The following MAGOHB variants were observed in gnomAD, a reference collection of about 807,000 sequenced individuals.
MAGOHB encodes protein mago nashi homolog 2.
MAGOHB carries 15 observed loss-of-function variants against 20.9 expected under a neutral mutation model. The ratio of observed to expected loss-of-function variants is 0.72; its 90% CI spans 0.48 to 1.11. The LOEUF is 1.11. Ranked by LOEUF, MAGOHB falls within the 50% of genes least tolerant of loss-of-function variation. The probability of loss-of-function intolerance (pLI) is 0.00; values close to 1 mark genes in which losing one functional copy is unlikely to be tolerated. For missense variants in MAGOHB, 162 were observed against 177.6 expected (o/e 0.91, Z 0.50); for synonymous variants, 50 against 57.9 (o/e 0.86, Z 0.62).
downstream of MAGOHB, among the ~76,000 whole-genome samples, chr12:10,600,593 T>C (rs1422496444): frequency 6.6e-6 from 1 of 152,204 alleles, no homozygotes; most frequent in Non-Finnish European, 1.5e-5. Flanking sequence ...CTACTTGAGT[T>C]TTCCCACGAA....
chr12:10,612,190 A>AATAACATAACATAACATAAC (rs3059682), intron 1 of MAGOHB, among the ~76,000 whole-genome samples: 103 of 141,452 alleles, frequency 7.3e-4, no homozygotes, highest in South Asian at 1.2e-3. Flanking sequence ...CTCTACAAAA[A>AATAACATAACATAACATAAC]ATAACATAAC....
intron 1 of MAGOHB, chr12:10,612,721 T>C: frequency 8.6e-7 from 1 of 1,162,276 alleles, no homozygotes; most frequent in Non-Finnish European, 1.1e-6. Context: ...AAATGAACTT[T>C]CTTGTTGCAG....
At chr12:10,612,247 T>TAACATAACATAACATA (rs1555146632) in intron 1 of MAGOHB, among the ~76,000 whole-genome samples, 80 of 139,060 alleles carry the variant, frequency 5.8e-4, no homozygotes, top group African/African-American at 2.0e-3. Flanking sequence ...TAACATAACA[T>TAACATAACATAACATA]AATTAGCTGG....
At chr12:10,612,900 C>A (rs1865774061) in intron 1 of MAGOHB, 1 of 1,289,024 alleles carries the variant, frequency 7.8e-7, no homozygotes, top group South Asian at 1.2e-5. Context: ...CTCAAGAGTG[C>A]CGTCCTCTAA....
chr12:10,600,699 A>G (rs1023210353), downstream of MAGOHB, among the ~76,000 whole-genome samples: 2 of 152,162 alleles, frequency 1.3e-5, no homozygotes, highest in South Asian at 2.1e-4. Flanking sequence ...TTGTCACTCC[A>G]CCATGAGGCA....
chr12:10,613,603 G>A lies in MAGOHB; in HGVS notation c.-71C>T, dbSNP rs986486550. ...CGGCGCCTTGCAGTGACGTCATCGC[G>A]CGGAATAAGTGCGTCACCACAGGCG... On this transcript the variant is annotated 5_prime_UTR_variant, in exon 1 of 5. Transcript: ENST00000320756. 49 of 1,002,660 alleles carry A rather than the reference G, an allele frequency of 4.9e-5. No individual in the cohort carries two copies. The highest frequency in any genetic ancestry group is 7.7e-5 in the Non-Finnish European group (48 of 622,276). The allele number at this position is 1,002,660 out of a possible 1,614,324, so 62.1% of individuals were successfully genotyped here. A position where few individuals can be genotyped will look rare whatever the true frequency, so the allele number is the denominator to read the frequency against.
downstream of MAGOHB, among the ~76,000 whole-genome samples, chr12:10,600,337 T>TA (rs1865542505): frequency 6.6e-6 from 1 of 152,066 alleles, no homozygotes; most frequent in South Asian, 2.1e-4. Context: ...GGCAATCCCC[T>TA]ACTATTGGAT....
At position 10,612,843 on chromosome 12, in the gene MAGOHB, G is replaced by A; in HGVS notation, c.94+596C>T. On this transcript the variant is annotated intron_variant, in intron 1 of 4. Transcript: ENST00000320756. The stretch of plus-strand genomic sequence containing the variant: ...ATCCTCTGCTCATACTGCTCTGGAA[G>A]TCTGTTTTTTTCTCTCAAAGGCCAA... The A allele has an allele frequency of 3.1e-6, 4 of 1,289,148 alleles. No individual in the cohort carries two copies. In the African/African-American group the frequency reaches 4.5e-5, roughly 15 times the overall value. 79.9% of individuals were successfully genotyped at this position (1,289,148 alleles called of 1,614,324 possible).
At chr12:10,608,599 T>TTAA (rs758326664) in intron 3 of MAGOHB, 3 of 119,162 alleles carry the variant, frequency 2.5e-5, no homozygotes, top group Admixed American at 1.7e-4. Context: ...TAAGAACTAG[T>TTAA]AAAAAAAAAA....
At chr12:10,610,768 T>G in intron 1 of MAGOHB, 88 bp from the exon 2 acceptor site, 1 of 1,155,428 alleles carries the variant, frequency 8.7e-7, no homozygotes, top group Non-Finnish European at 1.2e-6. Flanking sequence ...TAAAGACCAT[T>G]TTATACTACT....
intron 3 of MAGOHB, 79 bp downstream of exon 3, chr12:10,609,752 T>C: frequency 3.3e-6 from 3 of 899,834 alleles, no homozygotes; most frequent in Non-Finnish European, 5.2e-6. Context: ...CTTAGACTCA[T>C]TCCAAATAAA....
In MAGOHB at chr12:10,609,868, T is replaced by A. The variant is rs1180722079; in HGVS notation, c.227A>T (p.Asp76Val). 1.2e-6 allele frequency: 2 copies of A among 1,613,318 alleles called. No individual in the cohort carries two copies. The highest frequency in any genetic ancestry group is 1.7e-6 in the Non-Finnish European group (2 of 1,179,568). The change falls in exon 3 of 5, where the codon GAT becomes GTT. Residue 76 changes from aspartate (D) to valine (V), a missense_variant. Asp to Val is a radical substitution (Grantham distance 152). Coordinates refer to ENST00000320756, the MANE Select transcript of MAGOHB (RefSeq NM_018048.5). ...CCTATCAGGGGGAGGCCACAAAGCA[T>A]CATCTTCTTTTGTAATTTCACTGTC... Reference protein sequence around the residue: ...IDDSEITKEDDALWPPPDRVG... With the variant: ...IDDSEITKEDVALWPPPDRVG...
chr12:10,607,573 T>C (rs143699987), intron 4 of MAGOHB, among the ~76,000 whole-genome samples: 1 of 152,226 alleles, frequency 6.6e-6, no homozygotes, highest in Non-Finnish European at 1.5e-5. Context: ...TTGGATTTGC[T>C]GATACTGTAT....
chr12:10,611,766 A>G lies in MAGOHB; in HGVS notation c.95-1086T>C, dbSNP rs1454236653. 1.5e-3 allele frequency among the ~76,000 whole-genome samples: 218 copies of G among 149,648 alleles called. 4 individuals are homozygous for G. The highest frequency in any genetic ancestry group is 3.4e-3 in the Middle Eastern group (1 of 290). On this transcript the variant is annotated intron_variant, in intron 1 of 4. Transcript: ENST00000320756. ...CTGTCTCAAAAAAAAAAAAAAAAAAAAAAAAAAAAGAAAAGAAACGCGTCT... is the reference window on the plus strand; with the variant it reads ...CTGTCTCAAAAAAAAAAAAAAAAAAGAAAAAAAAAGAAAAGAAACGCGTCT...
chr12:10,613,293 TA>T, intron 1 of MAGOHB, 145 bp downstream of exon 1: 1 of 716,312 alleles, frequency 1.4e-6, no homozygotes. Flanking sequence ...CTTTCATTTA[TA>T]AAACCAACTT....
intron 4 of MAGOHB, 133 bp from the exon 5 acceptor site, chr12:10,606,507 G>A: frequency 1.7e-6 from 1 of 606,046 alleles, no homozygotes; most frequent in Non-Finnish European, 2.9e-6. Flanking sequence ...GGATTTTGCT[G>A]ACAACTAAAA....
intron 2 of MAGOHB, 31 bp downstream of exon 2, chr12:10,610,591 A>T: frequency 7.4e-7 from 1 of 1,358,984 alleles, no homozygotes; most frequent in Non-Finnish European, 9.7e-7. Context: ...AAAAAAAAAA[A>T]AAAAAAAAAA....
intron 1 of MAGOHB, among the ~76,000 whole-genome samples, chr12:10,612,267 C>G (rs1162895979): frequency 6.6e-6 from 1 of 150,562 alleles, no homozygotes; most frequent in Non-Finnish European, 1.5e-5. Context: ...GGTGAGGTGG[C>G]GTGGGCCTGT....
chr12:10,608,669 C>T (rs2120519555), intron 3 of MAGOHB: 1 of 150,018 alleles, frequency 6.7e-6, no homozygotes, highest in South Asian at 2.1e-4. Flanking sequence ...ATAGATTTTT[C>T]CCTATATTGT....
Sources: allele counts gnomAD v4.1 joint callset (sites outside exome capture counted in the v4.1 genomes callset), GRCh38; gene constraint gnomAD v4.1.1; transcripts MANE v1.5; gene names NCBI Gene and HGNC (gene_info 2026-07-23, HGNC 2026-07-21).